The following ZFR2 variants were observed in gnomAD, a reference collection of about 807,000 sequenced individuals.
ZFR2 encodes the protein zinc finger RNA-binding protein 2.
ZFR2 carries 104 observed loss-of-function variants against 105.7 expected under a neutral mutation model. The ratio of observed to expected loss-of-function variants is 0.98; its 90% confidence interval spans 0.84 to 1.16. The LOEUF (loss-of-function observed/expected upper bound fraction) is 1.16. Ranked by LOEUF, ZFR2 falls within the 50% of genes most tolerant of loss-of-function variation. ZFR2 has a pLI of 0.00. For missense variants in ZFR2, 1,425 were observed against 1,355.5 expected (o/e 1.05, Z -0.80); for synonymous variants, 634 against 597.7 (o/e 1.06, Z -0.89).
Position 3,823,271 on chromosome 19 carries a change from G to A in ZFR2, c.1346C>T (p.Pro449Leu), listed in dbSNP as rs377697539. Residue 449 changes from proline to leucine, a missense_variant, in exon 8 of 19, where the codon CCG becomes CTG. By Grantham distance (98) the Pro-to-Leu change is moderately conservative. Coordinates refer to ENST00000262961, the MANE Select transcript of ZFR2 (RefSeq NM_015174.2). The surrounding 1 kb of genome is among the most constrained non-coding windows in gnomAD (Gnocchi z 5.4). ...EAPAGCSDAQ[P>L]VGPEYVEEVF... ...CTCCTCCACATATTCCGGGCCCACC[G>A]GCTGCGCATCAGAGCAGCCCGCGGG... 2.4e-5 allele frequency: 38 copies of A among 1,613,880 alleles called. No homozygotes were observed. The highest frequency in any genetic ancestry group is 4.0e-5 in the African/African-American group (3 of 74,936).
chr19:3,860,299 A>G (rs1030524365), intron 1 of ZFR2, among the ~76,000 whole-genome samples: 9 of 150,722 alleles, frequency 6.0e-5, no homozygotes, highest in African/African-American at 2.0e-4. Context: ...TCGGCCTCCC[A>G]AAGTGCTGGG....
intron 1 of ZFR2, among the ~76,000 whole-genome samples, chr19:3,868,105 T>C (rs1293610079): frequency 1.3e-5 from 2 of 149,472 alleles, no homozygotes; most frequent in East Asian, 4.0e-4. Context: ...CCCTCCCAGG[T>C]CTGAATTCTC....
At chr19:3,822,402 TC>T (rs2037906167) in intron 8 of ZFR2, among the ~76,000 whole-genome samples, 1 of 148,060 alleles carries the variant, frequency 6.8e-6, no homozygotes, top group Admixed American at 6.8e-5. Context: ...AGCCTCAAAC[TC>T]CTGGGCTCAA....
intron 1 of ZFR2, among the ~76,000 whole-genome samples, chr19:3,851,223 T>A (rs1232770218): frequency 6.6e-6 from 1 of 151,774 alleles, no homozygotes; most frequent in South Asian, 2.1e-4. Context: ...GAGGGGGTGA[T>A]GGACAGGGGG....
intron 16 of ZFR2, 120 bp from the exon 17 acceptor site, chr19:3,809,103 A>C: frequency 4.4e-6 from 3 of 677,256 alleles, no homozygotes; most frequent in Non-Finnish European, 6.8e-6. Flanking sequence ...AACTCCCACC[A>C]CCCACTGAAC....
In ZFR2 at chr19:3,804,706, A is replaced by C; in HGVS notation, c.*1243T>G. The C allele has an allele frequency of 1.3e-4, 1 of 7,960 alleles. No homozygotes were observed. The highest frequency in any genetic ancestry group is 2.4e-3 in the East Asian group (1 of 412). The allele number at this position is 7,960 out of a possible 1,614,324, so 0.5% of individuals were successfully genotyped here. On this transcript the variant is annotated 3_prime_UTR_variant, in exon 19 of 19. Coordinates refer to ENST00000262961, the MANE Select transcript of ZFR2 (RefSeq NM_015174.2). ...GGCCCTGCTGACATCCTGGCTGTGGAGGTGGGTGGGGGGTCTGTTTGGAGC... is the reference window on the plus strand; with the variant it reads ...GGCCCTGCTGACATCCTGGCTGTGGCGGTGGGTGGGGGGTCTGTTTGGAGC...
intron 12 of ZFR2, among the ~76,000 whole-genome samples, chr19:3,818,464 C>T (rs1465533252): frequency 1.3e-5 from 2 of 152,090 alleles, no homozygotes; most frequent in East Asian, 1.9e-4. Flanking sequence ...AGATCTGTTT[C>T]TTAAAAAACA....
In ZFR2 at chr19:3,858,010, T is replaced by C. The variant is rs1230507633; in HGVS notation, c.53+10955A>G. Among the ~76,000 whole-genome samples the C allele has an allele frequency of 6.6e-6, 1 of 152,218 alleles. No homozygotes were observed. The highest frequency in any genetic ancestry group is 1.5e-5 in the Non-Finnish European group (1 of 68,042). Reference sequence around the variant, plus strand: ...ACCTTCAGGCCCCAGGCTAATGTCTTTTGATGGCTTTTTGGTCGGAGAATT... The same window carrying C: ...ACCTTCAGGCCCCAGGCTAATGTCTCTTGATGGCTTTTTGGTCGGAGAATT... On this transcript the variant is annotated intron_variant, in intron 1 of 18. Coordinates refer to ENST00000262961, the MANE Select transcript of ZFR2 (RefSeq NM_015174.2). The surrounding 1 kb of genome is among the most constrained non-coding windows in gnomAD (Gnocchi z 4.3).
At chr19:3,839,797 T>C (rs7254489) in intron 1 of ZFR2, among the ~76,000 whole-genome samples, 149,951 of 152,140 alleles carry the variant, frequency 0.99, 73,913 homozygotes, top group East Asian at 1. Flanking sequence ...CTAGGGTTGG[T>C]GGCTGTCTTG....
chr19:3,838,247 C>A lies in ZFR2; in HGVS notation c.54-3264G>T, dbSNP rs2145168386. Among the ~76,000 whole-genome samples, 1 of 152,320 alleles carries A rather than the reference C, an allele frequency of 6.6e-6. No homozygotes were observed. Among genetic ancestry groups the A allele is most frequent in the South Asian group, 2.1e-4 (1 of 4,822 alleles). On this transcript the variant is annotated intron_variant, in intron 1 of 18. Transcript: ENST00000262961. The surrounding 1 kb of genome is among the most constrained non-coding windows in gnomAD (Gnocchi z 4.9). ...ACCGTGACTACTGACATTTGATGAA[C>A]ACTGTGACTATGGACACTGAATGAA...
At chr19:3,821,986 A>T (rs1467518501) in intron 9 of ZFR2, 95 bp downstream of exon 9, 22 of 1,472,312 alleles carry the variant, frequency 1.5e-5, no homozygotes, top group Non-Finnish European at 1.7e-5. Context: ...TCGTCGGATC[A>T]CACGCGCGGA....
chr19:3,808,747 C>A (rs945524093), intron 17 of ZFR2, 125 bp downstream of exon 17: 4 of 777,986 alleles, frequency 5.1e-6, no homozygotes, highest in Non-Finnish European at 7.9e-6. Flanking sequence ...TGTTGTGGGC[C>A]GCACTCCTGC....
rs1276429732 is a variant in ZFR2, at chr19:3,855,843, A to C, written c.53+13122T>G. Reference sequence around the variant, plus strand: ...AGGCAGCGTGACTAGAGCGGAAGGAATGAGGGGAGATGGGGTCAGAGAATA... The same window carrying C: ...AGGCAGCGTGACTAGAGCGGAAGGACTGAGGGGAGATGGGGTCAGAGAATA... On this transcript the variant is annotated intron_variant, in intron 1 of 18. Coordinates refer to ENST00000262961, the MANE Select transcript of ZFR2 (RefSeq NM_015174.2). Among the ~76,000 whole-genome samples the C allele has an allele frequency of 2.6e-5, 4 of 152,178 alleles. No homozygotes were observed. The South Asian group carries it at 6.2e-4, about 24-fold the overall frequency.
chr19:3,826,001 C>G (rs1040561805), intron 6 of ZFR2, among the ~76,000 whole-genome samples: 4 of 152,074 alleles, frequency 2.6e-5, no homozygotes, highest in Non-Finnish European at 5.9e-5. Context: ...CACGCTGTAC[C>G]CTGGTACAAG....
chr19:3,827,343 G>A, intron 6 of ZFR2, 128 bp downstream of exon 6: 1 of 1,178,184 alleles, frequency 8.5e-7, no homozygotes, highest in South Asian at 2.0e-5. Context: ...TGGCCCTTGG[G>A]GCGCGCTCCA....
chr19:3,852,187 C>T, intron 1 of ZFR2: 1 of 469,072 alleles, frequency 2.1e-6, no homozygotes, highest in Non-Finnish European at 3.9e-6. Flanking sequence ...GCTCTCCTGG[C>T]CAAGGCGGGG....
intron 3 of ZFR2, among the ~76,000 whole-genome samples, chr19:3,832,596 A>G (rs978903395): frequency 1.3e-5 from 2 of 151,422 alleles, no homozygotes; most frequent in Non-Finnish European, 2.9e-5. Context: ...CTGGGATTAC[A>G]GGCGTGAGCT....
intron 18 of ZFR2, among the ~76,000 whole-genome samples, chr19:3,806,773 C>T (rs951216981): frequency 1.3e-5 from 2 of 152,198 alleles, no homozygotes. Context: ...AGACCCGATG[C>T]GGTTTGGTTT....
chr19:3,839,053 G>C (rs1285422515), intron 1 of ZFR2, among the ~76,000 whole-genome samples: 1 of 152,102 alleles, frequency 6.6e-6, no homozygotes, highest in Non-Finnish European at 1.5e-5. Flanking sequence ...CAGAAGGATG[G>C]ACATGTCCCC....
Sources: allele counts gnomAD v4.1 joint callset (sites outside exome capture counted in the v4.1 genomes callset), GRCh38; gene constraint gnomAD v4.1.1; non-coding constraint Gnocchi (gnomAD v3.1); transcripts MANE v1.5; gene names NCBI Gene and HGNC (gene_info 2026-07-23, HGNC 2026-07-21).